SLIT1: variants seen among roughly 807,000 people sequenced by gnomAD.
SLIT1 encodes the protein slit guidance ligand 1, also known as slit homolog 1 protein.
Under a neutral mutation model 186.1 loss-of-function variants are expected in SLIT1, and 66 were observed. The observed-to-expected ratio is 0.35, with a 90% CI of 0.29 to 0.44. The LOEUF (loss-of-function observed/expected upper bound fraction) is 0.44. SLIT1 is among the 20% of genes least tolerant of loss of function. The probability of loss-of-function intolerance (pLI) is 1.00; values close to 1 mark genes in which losing one functional copy is unlikely to be tolerated. For synonymous variants in SLIT1, 761 were observed against 833.8 expected, an observed-to-expected ratio of 0.91 and a Z score of 1.50; for missense variants, 1,638 against 2,037.4, an observed-to-expected ratio of 0.80 and a Z score of 3.77.
At chr10:97,058,208 A>G in intron 11 of SLIT1, 1 of 635,590 alleles carries the variant, frequency 1.6e-6, no homozygotes, top group Non-Finnish European at 2.9e-6. Context: ...AACACCCCTC[A>G]AGCTGCTGGG....
At chr10:97,177,847 G>A (rs960479380) in intron 1 of SLIT1, among the ~76,000 whole-genome samples, 3 of 152,096 alleles carry the variant, frequency 2.0e-5, no homozygotes, top group Non-Finnish European at 4.4e-5. Context: ...ATGGTGGTAG[G>A]TGCCTGTAAT....
chr10:97,088,453 G>A (rs1218611713), intron 4 of SLIT1, among the ~76,000 whole-genome samples: 1 of 152,206 alleles, frequency 6.6e-6, no homozygotes, highest in Non-Finnish European at 1.5e-5. Flanking sequence ...TATGTCAGGG[G>A]GAGTTCTGGC....
chr10:97,092,060 G>A (rs1231102309), intron 4 of SLIT1, among the ~76,000 whole-genome samples: 1 of 152,198 alleles, frequency 6.6e-6, no homozygotes, highest in African/African-American at 2.4e-5. Context: ...CACCCACAAG[G>A]AGCAAGAAAG....
At position 97,159,310 on chromosome 10, in the gene SLIT1, C is replaced by T. The variant is rs114331914; in HGVS notation, c.342-1421G>A. Among the ~76,000 whole-genome samples the T allele has an allele frequency of 4.7e-3, 719 of 152,320 alleles. 7 individuals carry two copies. Among genetic ancestry groups the T allele is most frequent in the African/African-American group, 0.014 (575 of 41,572 alleles). Reference sequence around the variant, plus strand: ...TTCCCCAAGGTACAGACAATTAAGTCAACTTTTGCAGACCCACTGGAAGTT... The same window carrying T: ...TTCCCCAAGGTACAGACAATTAAGTTAACTTTTGCAGACCCACTGGAAGTT... On this transcript the variant is annotated intron_variant, in intron 3 of 36. Transcript: ENST00000266058.
At chr10:97,114,956 G>A (rs1010483026) in intron 4 of SLIT1, among the ~76,000 whole-genome samples, 1 of 152,128 alleles carries the variant, frequency 6.6e-6, no homozygotes, top group African/African-American at 2.4e-5. Context: ...ATGATAAATG[G>A]CACCTCATGC....
At chr10:97,029,381 G>A (rs1176072371) in intron 25 of SLIT1, among the ~76,000 whole-genome samples, 1 of 152,212 alleles carries the variant, frequency 6.6e-6, no homozygotes, top group African/African-American at 2.4e-5. Flanking sequence ...TCTCCAACCT[G>A]GGTATGCCTG....
At chr10:97,007,628 G>A (rs916086150) in intron 31 of SLIT1, among the ~76,000 whole-genome samples, 1 of 152,008 alleles carries the variant, frequency 6.6e-6, no homozygotes, top group Non-Finnish European at 1.5e-5. Flanking sequence ...ATGCAAGGCT[G>A]GTTTGACCTC....
chr10:97,069,492 A>G (rs1412674123), intron 4 of SLIT1, among the ~76,000 whole-genome samples: 4 of 152,228 alleles, frequency 2.6e-5, no homozygotes, highest in Non-Finnish European at 5.9e-5. Context: ...CATGGGGTGT[A>G]CATGCCAGCT....
rs1281236527 is a variant in SLIT1, at chr10:97,002,341, C to G, written c.4183G>C (p.Asp1395His). The change falls in exon 36 of 37, where the codon GAC (aspartate) becomes CAC (histidine). Residue 1395 changes from aspartate (D) to histidine (H), a missense_variant. Asp to His is a moderately conservative substitution (Grantham distance 81). Coordinates refer to ENST00000266058, the MANE Select transcript of SLIT1 (RefSeq NM_003061.3). ...KCVHGQCVPL[D>H]ALSYSCQCQD... Reference sequence around the variant, plus strand: ...CACTGGCAGCTGTAGGAAAGAGCGTCGAGGGGCACGCATTGCCCATGGACA... The same window carrying G: ...CACTGGCAGCTGTAGGAAAGAGCGTGGAGGGGCACGCATTGCCCATGGACA... 1 of 1,609,774 alleles carries G rather than the reference C, an allele frequency of 6.2e-7. No homozygotes were observed. The highest frequency in any genetic ancestry group is 8.5e-7 in the Non-Finnish European group (1 of 1,179,186).
chr10:97,090,461 G>A (rs1849218436), intron 4 of SLIT1, among the ~76,000 whole-genome samples: 1 of 152,226 alleles, frequency 6.6e-6, no homozygotes, highest in Non-Finnish European at 1.5e-5. Flanking sequence ...CTGGGTCACG[G>A]AGAGCCTCGG....
In SLIT1 at chr10:97,157,602, G is replaced by A. The variant is rs1018330092; in HGVS notation, c.413+216C>T. 4.3e-5 allele frequency: 24 copies of A among 564,164 alleles called. No individual in the cohort carries two copies. In the East Asian group the frequency reaches 4.3e-4, roughly 10 times the overall value. 34.9% of individuals were successfully genotyped at this position (564,164 alleles called of 1,614,324 possible). On this transcript the variant is annotated intron_variant, in intron 4 of 36. Transcript: ENST00000266058. ...CAGCTCACAAATCTGGATGAACTGC[G>A]GGTTCTTCCAAGTGCTTGCCATGGA... is the stretch of plus-strand genomic sequence containing the variant.
intron 4 of SLIT1, among the ~76,000 whole-genome samples, chr10:97,142,936 T>C (rs935678775): frequency 6.6e-6 from 1 of 152,110 alleles, no homozygotes; most frequent in African/African-American, 2.4e-5. Flanking sequence ...CATGATGACA[T>C]ATCACCTCAT....
At chr10:97,133,782 G>A (rs557276374) in intron 4 of SLIT1, among the ~76,000 whole-genome samples, 45 of 152,220 alleles carry the variant, frequency 3.0e-4, no homozygotes. Flanking sequence ...ACATTCATGA[G>A]AAGCTGTGCT....
At position 97,095,330 on chromosome 10, in the gene SLIT1, T is replaced by C. The variant is rs577340221; in HGVS notation, c.414-29244A>G. On this transcript the variant is annotated intron_variant, in intron 4 of 36. Coordinates refer to ENST00000266058, the MANE Select transcript of SLIT1 (RefSeq NM_003061.3). ...AAGAAACCCAATTAAACTGCATCCA[T>C]GCTTTCCAGCCAGAGTCCAGTTGCT... Among the ~76,000 whole-genome samples the C allele has an allele frequency of 2.6e-5, 4 of 152,338 alleles. No homozygotes were observed. The South Asian group carries it at 8.3e-4, about 32-fold the overall frequency.
At chr10:97,003,694 C>T (rs560500200) in intron 34 of SLIT1, among the ~76,000 whole-genome samples, 2 of 152,184 alleles carry the variant, frequency 1.3e-5, no homozygotes, top group Non-Finnish European at 2.9e-5. Context: ...GACTCTGTGC[C>T]TGAGTCTCTT....
chr10:97,069,987 C>T (rs1848987197), intron 4 of SLIT1, among the ~76,000 whole-genome samples: 1 of 152,094 alleles, frequency 6.6e-6, no homozygotes, highest in Admixed American at 6.5e-5. Context: ...GAACCCAACC[C>T]AGGTCATAAG....
Position 97,004,348 on chromosome 10 carries a change from G to A in SLIT1, c.3711-126C>T. On this transcript the variant is annotated intron_variant, in intron 33 of 36. Coordinates refer to ENST00000266058, the MANE Select transcript of SLIT1 (RefSeq NM_003061.3). The surrounding 1 kb of genome is among the most constrained non-coding windows in gnomAD (Gnocchi z 5.1). ...GACCAAATATCTAAGGAAAAGGACT[G>A]TGGGGGCTCAAGGGTCTATCGCATG... The A allele has an allele frequency of 1.1e-6, 1 of 951,496 alleles. No homozygotes were observed. The highest frequency in any genetic ancestry group is 1.6e-6 in the Non-Finnish European group (1 of 626,440). 58.9% of individuals were successfully genotyped at this position (951,496 alleles called of 1,614,324 possible). A position where few individuals can be genotyped will look rare whatever the true frequency, so the allele number is the denominator to read the frequency against.
At chr10:97,049,316 C>T (rs555644894) in intron 13 of SLIT1, among the ~76,000 whole-genome samples, 198 bp from the exon 14 acceptor site, 1 of 152,316 alleles carries the variant, frequency 6.6e-6, no homozygotes, top group South Asian at 2.1e-4. Flanking sequence ...GTCCTGCCAG[C>T]GCACTACAGG....
chr10:97,058,710 C>T (rs1432733892), intron 11 of SLIT1, among the ~76,000 whole-genome samples: 2 of 152,188 alleles, frequency 1.3e-5, no homozygotes, highest in Non-Finnish European at 2.9e-5. Flanking sequence ...CTAGTCTATG[C>T]CAAGCATGAG....
Sources: gnomAD v4.1 joint callset for allele counts (sites outside exome capture counted in the v4.1 genomes callset) on GRCh38, gnomAD v4.1.1 for gene constraint, Gnocchi (gnomAD v3.1) non-coding constraint, MANE v1.5 for transcripts, NCBI Gene and HGNC (gene_info 2026-07-23, HGNC 2026-07-21) for gene names.